Variants in NAPEPLD observed in about 807,000 individuals in gnomAD.
NAPEPLD encodes the protein N-acyl phosphatidylethanolamine phospholipase D.
In NAPEPLD, 23 loss-of-function variants were observed where a neutral mutation model predicts 38.1. The ratio of observed to expected loss-of-function variants is 0.60; its 90% CI spans 0.43 to 0.86. The LOEUF (loss-of-function observed/expected upper bound fraction) is 0.86. Ranked by LOEUF, NAPEPLD falls within the 40% of genes least tolerant of loss-of-function variation. The probability of loss-of-function intolerance (pLI) is 0.00; values close to 1 mark genes in which losing one functional copy is unlikely to be tolerated. For missense variants in NAPEPLD, 411 were observed against 476.8 expected (o/e 0.86, Z 1.28); for synonymous variants, 147 against 162.0 (o/e 0.91, Z 0.71).
In NAPEPLD at chr7:103,101,456, A is replaced by C. The variant is rs1397316682; in HGVS notation, c.*1973T>G. On this transcript the variant is annotated 3_prime_UTR_variant, in exon 5 of 5. Transcript: ENST00000465647. ...AATTTAAAAATCAGTGAAAGTTTTCAATGTTTAGTCTCCTAATATATAATG... is the reference window on the plus strand; with the variant it reads ...AATTTAAAAATCAGTGAAAGTTTTCCATGTTTAGTCTCCTAATATATAATG... The C allele has an allele frequency of 1.3e-5, 2 of 152,426 alleles. No homozygotes were observed. Among genetic ancestry groups the C allele is most frequent in the Admixed American group, 1.3e-4 (2 of 15,272 alleles). 9.4% of individuals were successfully genotyped at this position (152,426 alleles called of 1,614,324 possible).
chr7:103,138,337 C>G (rs750472334), intron 1 of NAPEPLD, among the ~76,000 whole-genome samples: 7 of 152,114 alleles, frequency 4.6e-5, no homozygotes, highest in Non-Finnish European at 1.0e-4. Context: ...TAATGCATAA[C>G]CTGTAAAGAA....
At chr7:103,134,375 C>A (rs1270216694) in intron 1 of NAPEPLD, among the ~76,000 whole-genome samples, 3 of 152,176 alleles carry the variant, frequency 2.0e-5, no homozygotes, top group African/African-American at 7.2e-5. Context: ...TCTAGCCAGG[C>A]ACAGTGGCTC....
At position 103,148,561 on chromosome 7, in the gene NAPEPLD, A is replaced by G. The variant is rs542044014; in HGVS notation, c.-17+250T>C. 1.6e-4 allele frequency among the ~76,000 whole-genome samples: 24 copies of G among 151,936 alleles called. 1 individual carries two copies. Among genetic ancestry groups the G allele is most frequent in the Middle Eastern group, 6.8e-3 (2 of 294 alleles). ...AATAATACCCAATTTATAAGAAGCA[A>G]ACAACCACAGAACAGAAAACTCAAG... On this transcript the variant is annotated intron_variant, in intron 1 of 4. Transcript: ENST00000465647.
chr7:103,124,201 G>A (rs1274173110), intron 2 of NAPEPLD, among the ~76,000 whole-genome samples: 6 of 152,130 alleles, frequency 3.9e-5, no homozygotes, highest in Non-Finnish European at 8.8e-5. Context: ...GCTCACGCCT[G>A]TAATCCCAGC....
rs1275032776 is a variant in NAPEPLD, at chr7:103,149,034, G to A, written c.-240C>T. 6.1e-6 allele frequency: 6 copies of A among 985,248 alleles called. No individual in the cohort carries two copies. The highest frequency in any genetic ancestry group is 1.7e-5 in the African/African-American group (1 of 57,190). The allele number at this position is 985,248 out of a possible 1,614,324, so 61.0% of individuals were successfully genotyped here. On this transcript the variant is annotated 5_prime_UTR_variant, in exon 1 of 5. Coordinates refer to ENST00000465647, the MANE Select transcript of NAPEPLD (RefSeq NM_001122838.3). The stretch of plus-strand genomic sequence containing the variant: ...CGAGATGAGGGAGGGCTCGGGGACG[G>A]GAAACCCACTCTCAGCCCGCTCCAC...
chr7:103,137,920 G>A (rs1810415899), intron 1 of NAPEPLD, among the ~76,000 whole-genome samples: 1 of 151,540 alleles, frequency 6.6e-6, no homozygotes, highest in South Asian at 2.1e-4. Flanking sequence ...ACAGTAAGTT[G>A]ATGCCTGTGG....
At chr7:103,136,982 C>T (rs1222678516) in intron 1 of NAPEPLD, among the ~76,000 whole-genome samples, 1 of 152,162 alleles carries the variant, frequency 6.6e-6, no homozygotes, top group Non-Finnish European at 1.5e-5. Flanking sequence ...TCTCATTGCC[C>T]AGGCTAGAGT....
chr7:103,147,386 G>A (rs1812781318), intron 1 of NAPEPLD, among the ~76,000 whole-genome samples: 1 of 152,176 alleles, frequency 6.6e-6, no homozygotes, highest in African/African-American at 2.4e-5. Flanking sequence ...AAAAAGCCCA[G>A]ATCAACAGTC....
chr7:103,133,640 T>C (rs937860186), intron 1 of NAPEPLD, among the ~76,000 whole-genome samples: 4 of 152,238 alleles, frequency 2.6e-5, no homozygotes, highest in African/African-American at 9.6e-5. Context: ...TGTATGGTCC[T>C]GTGTTAACTA....
upstream of NAPEPLD, among the ~76,000 whole-genome samples, chr7:103,149,727 C>G (rs963141250): frequency 6.6e-6 from 1 of 152,204 alleles, no homozygotes; most frequent in African/African-American, 2.4e-5. Flanking sequence ...CCCCCGCTGT[C>G]CTAAGCCAGA....
Position 103,125,917 on chromosome 7 carries a change from T to TAATA in NAPEPLD, c.294+2562_294+2565dup, listed in dbSNP as rs201251528. Among the ~76,000 whole-genome samples the TAATA allele has an allele frequency of 9.7e-3, 1,418 of 146,318 alleles. 25 individuals carry two copies. The highest frequency in any genetic ancestry group is 0.065 in the East Asian group (327 of 5,012). Reference sequence around the variant, plus strand: ...ATAATAATAATAATAATAATAATAATAATAAATAAAAATGAAACAAATTCT... The same window carrying TAATA: ...ATAATAATAATAATAATAATAATAATAATAAATAAATAAAAATGAAACAAATTCT... On this transcript the variant is annotated intron_variant, in intron 2 of 4. Coordinates refer to ENST00000465647, the MANE Select transcript of NAPEPLD (RefSeq NM_001122838.3).
intron 4 of NAPEPLD, among the ~76,000 whole-genome samples, chr7:103,105,461 C>G (rs1451609922): frequency 6.6e-6 from 1 of 152,140 alleles, no homozygotes; most frequent in East Asian, 1.9e-4. Context: ...TCGTTTCCAT[C>G]AAAACTAGTA....
At chr7:103,103,909 T>C (rs1802779980) in intron 4 of NAPEPLD, among the ~76,000 whole-genome samples, 1 of 152,224 alleles carries the variant, frequency 6.6e-6, no homozygotes, top group Non-Finnish European at 1.5e-5. Flanking sequence ...GAATTACATG[T>C]TACTAACATT....
At chr7:103,106,742 AG>A (rs1288636483) in intron 4 of NAPEPLD, among the ~76,000 whole-genome samples, 1 of 142,256 alleles carries the variant, frequency 7.0e-6, no homozygotes, top group Non-Finnish European at 1.5e-5. Context: ...AAAAAAAGGC[AG>A]CACCCCAGTC....
chr7:103,103,660 T>C, intron 4 of NAPEPLD, 106 bp from the exon 5 acceptor site: 4 of 1,167,502 alleles, frequency 3.4e-6, no homozygotes, highest in Non-Finnish European at 4.7e-6. Flanking sequence ...CTAGTTAGAA[T>C]TAGGCCCTTT....
rs1315112454 is a variant in NAPEPLD at position 103,128,790 on chromosome 7, G to A, written c.-14C>T. 2 of 1,594,384 alleles carry A rather than the reference G, an allele frequency of 1.3e-6. No individual in the cohort carries two copies. Among genetic ancestry groups the A allele is most frequent in the Admixed American group, 1.8e-5 (1 of 54,862 alleles). On this transcript the variant is annotated splice_region_variant and 5_prime_UTR_variant, in exon 2 of 5. Transcript: ENST00000465647. ...ATTTTCATCCATGTCCTTTGGTGAA[G>A]AACTAAAAAAAACAAGGGGGAAAAA...
chr7:103,100,903 A>G lies in NAPEPLD; in HGVS notation c.*2526T>C, dbSNP rs1394417294. On this transcript the variant is annotated 3_prime_UTR_variant, in exon 5 of 5. Transcript: ENST00000465647. Reference sequence around the variant, plus strand: ...CAGTGTAGAAAGAACATGAGTGGTAATAAAAAATTACAGCTTACAAAAGGG... The same window carrying G: ...CAGTGTAGAAAGAACATGAGTGGTAGTAAAAAATTACAGCTTACAAAAGGG... The G allele has an allele frequency of 1.3e-5, 2 of 152,244 alleles. No individual in the cohort carries two copies. The highest frequency in any genetic ancestry group is 1.3e-4 in the Admixed American group (2 of 15,286). 9.4% of individuals were successfully genotyped at this position (152,244 alleles called of 1,614,324 possible).
At chr7:103,108,812 C>A (rs538963162) in intron 4 of NAPEPLD, among the ~76,000 whole-genome samples, 1 of 152,122 alleles carries the variant, frequency 6.6e-6, no homozygotes. Flanking sequence ...GATAAAGAGT[C>A]AAGACCCATC....
At position 103,121,761 on chromosome 7, in the gene NAPEPLD, A is replaced by G. The variant is rs547097396; in HGVS notation, c.295-1538T>C. On this transcript the variant is annotated intron_variant, in intron 2 of 4. Coordinates refer to ENST00000465647, the MANE Select transcript of NAPEPLD (RefSeq NM_001122838.3). ...CAATTCTTTTTTTACTGCTTTATGT[A>G]TGTTTGTAAGTTGCCACTAAATCAA... Among the ~76,000 whole-genome samples, 14 of 152,202 alleles carry G rather than the reference A, an allele frequency of 9.2e-5. No individual in the cohort carries two copies. The East Asian group carries it at 2.7e-3, about 29-fold the overall frequency.
Sources: gnomAD v4.1 joint callset for allele counts (sites outside exome capture counted in the v4.1 genomes callset) on GRCh38, gnomAD v4.1.1 for gene constraint, MANE v1.5 for transcripts, NCBI Gene and HGNC (gene_info 2026-07-23, HGNC 2026-07-21) for gene names.